Variants in RFX1 observed in about 807,000 individuals in gnomAD.
RFX1 encodes regulatory factor X1.
RFX1 carries 42 observed loss-of-function variants against 119.6 expected under a neutral mutation model. The observed-to-expected ratio is 0.35, with a 90% CI of 0.27 to 0.45. The LOEUF (loss-of-function observed/expected upper bound fraction) is 0.45, where lower values mean the gene tolerates loss of function less well. Ranked by LOEUF, RFX1 falls within the 20% of genes least tolerant of loss-of-function variation. The pLI is 1.00. For missense variants in RFX1, 1,118 were observed against 1,368.1 expected (o/e 0.82, Z 2.88); for synonymous variants, 628 against 618.5 (o/e 1.02, Z -0.23).
At position 13,973,879 on chromosome 19, in the gene RFX1, G is replaced by A. The variant is rs190984127; in HGVS notation, c.930-752C>T. The stretch of plus-strand genomic sequence containing the variant: ...ACTTCTGACCTCAAGTGATCCACCC[G>A]CCTCAGTCTCCCACAGTCCTGGGAT... On this transcript the variant is annotated intron_variant, in intron 8 of 20. Transcript: ENST00000254325. Among the ~76,000 whole-genome samples, 100 of 151,142 alleles carry A rather than the reference G, an allele frequency of 6.6e-4. 1 individual carries two copies. Among genetic ancestry groups the A allele is most frequent in the African/African-American group, 2.3e-3 (96 of 41,044 alleles).
intron 19 of RFX1, 34 bp downstream of exon 19, chr19:13,963,088 C>T (rs1973764212): frequency 6.2e-7 from 1 of 1,606,032 alleles, no homozygotes; most frequent in Admixed American, 1.7e-5. Flanking sequence ...CGCCTGGCGC[C>T]CCGCCCGCGC....
intron 2 of RFX1, among the ~76,000 whole-genome samples, chr19:13,988,692 C>T (rs1194253158): frequency 1.3e-5 from 2 of 151,956 alleles, no homozygotes; most frequent in Non-Finnish European, 2.9e-5. Flanking sequence ...GGCACCCCCA[C>T]CATCCCATTA....
At chr19:13,983,094 T>G in intron 4 of RFX1, 93 bp downstream of exon 4, 1 of 985,194 alleles carries the variant, frequency 1.0e-6, no homozygotes, top group Non-Finnish European at 1.5e-6. Context: ...CTTCCCTCCA[T>G]CCTGGTGAGG....
chr19:13,963,460 G>T, intron 18 of RFX1, 78 bp downstream of exon 18: 1 of 1,476,622 alleles, frequency 6.8e-7, no homozygotes. Flanking sequence ...TCGGGTCGTC[G>T]TAGAAGAGCA....
chr19:13,963,008 A>G lies in RFX1; in HGVS notation c.2756T>C (p.Leu919Pro), dbSNP rs778006176. 3.9e-6 allele frequency: 6 copies of G among 1,552,402 alleles called. No homozygotes were observed. The East Asian group carries it at 9.8e-5, about 25-fold the overall frequency. The change falls in exon 20 of 21, where the codon CTG (leucine) becomes CCG (proline). Residue 919 changes from leucine (L) to proline (P), a missense_variant. Physicochemically the swap from Leu to Pro is moderately conservative, Grantham distance 98 (BLOSUM62 -3). This residue lies in a region of RFX1 where 138 missense variants were observed against 117.8 expected (regional missense o/e 1.17). Transcript: ENST00000254325. ...FANLATSLNP[L>P]DPDKDEEEEE... ...GCCTCGCCTACCTTTGTCGGGGTCC[A>G]GGGGGTTCAGGGAGGTGGCCAGATT...
At chr19:13,998,156 C>G (rs747458561) in intron 1 of RFX1, 1 of 152,176 alleles carries the variant, frequency 6.6e-6, no homozygotes, top group Admixed American at 6.6e-5. Context: ...CTGGGGATAA[C>G]GAGAACACCC....
chr19:13,981,881 T>C (rs1467067509), intron 5 of RFX1, among the ~76,000 whole-genome samples: 1 of 152,144 alleles, frequency 6.6e-6, no homozygotes, highest in African/African-American at 2.4e-5. Context: ...CACCTCCTTC[T>C]CCCAGAGCAG....
chr19:14,003,997 C>T (rs551170720), intron 1 of RFX1, among the ~76,000 whole-genome samples: 5 of 152,254 alleles, frequency 3.3e-5, no homozygotes, highest in African/African-American at 1.2e-4. Context: ...CAACCTCCGC[C>T]TCCCAGGCTC....
chr19:13,972,231 G>C (rs1330189944), intron 9 of RFX1, among the ~76,000 whole-genome samples: 1 of 140,790 alleles, frequency 7.1e-6, no homozygotes, highest in Non-Finnish European at 1.5e-5. Flanking sequence ...GAATCTTGCT[G>C]TGTCTCCCAG....
chr19:13,983,441 C>A (rs779431943), intron 3 of RFX1, 45 bp downstream of exon 3: 1 of 1,469,574 alleles, frequency 6.8e-7, no homozygotes, highest in Admixed American at 1.9e-5. Context: ...CTGCACTGCC[C>A]CCCTCCCGGG....
In RFX1 at chr19:13,980,291, A is replaced by C. The variant is rs1167151935; in HGVS notation, c.738+282T>G. 6.6e-6 allele frequency among the ~76,000 whole-genome samples: 1 copy of C among 152,158 alleles called. No individual in the cohort carries two copies. The highest frequency in any genetic ancestry group is 1.5e-5 in the Non-Finnish European group (1 of 68,010). On this transcript the variant is annotated intron_variant, in intron 6 of 20. Coordinates refer to ENST00000254325, the MANE Select transcript of RFX1 (RefSeq NM_002918.5). This position sits in a 1 kb window ranked among gnomAD's most constrained non-coding sequence, Gnocchi z 5.1. Reference sequence around the variant, plus strand: ...GCTTCCTTCAGGCAAATGGGCCCAAAGAGGCTCAGGTGGCTTCTCCAAGCG... The same window carrying C: ...GCTTCCTTCAGGCAAATGGGCCCAACGAGGCTCAGGTGGCTTCTCCAAGCG...
At chr19:13,983,660 C>A (rs1974509685) in intron 2 of RFX1, 65 bp from the exon 3 acceptor site, 2 of 1,370,836 alleles carry the variant, frequency 1.5e-6, no homozygotes, top group East Asian at 5.0e-5. Context: ...AGCCTGAGCC[C>A]CCCTGGAGGG....
At chr19:14,004,191 C>T (rs1196162735) in intron 1 of RFX1, among the ~76,000 whole-genome samples, 1 of 152,056 alleles carries the variant, frequency 6.6e-6, no homozygotes, top group African/African-American at 2.4e-5. Flanking sequence ...TGAGCCACCA[C>T]GCCCAGCCTG....
chr19:13,983,777 C>T (rs1199945610), intron 2 of RFX1, among the ~76,000 whole-genome samples, 182 bp from the exon 3 acceptor site: 2 of 152,224 alleles, frequency 1.3e-5, no homozygotes, highest in South Asian at 2.1e-4. Context: ...CGTGGCAGAG[C>T]GGGCTGAGGC....
intron 1 of RFX1, among the ~76,000 whole-genome samples, chr19:14,000,276 A>G (rs371900389): frequency 3.3e-5 from 5 of 152,224 alleles, no homozygotes; most frequent in South Asian, 4.1e-4. Context: ...ATTTGAGGTC[A>G]GGAGTTTGAA....
intron 1 of RFX1, among the ~76,000 whole-genome samples, chr19:14,004,277 A>C (rs1378710560): frequency 6.6e-6 from 1 of 152,056 alleles, no homozygotes; most frequent in Non-Finnish European, 1.5e-5. Flanking sequence ...TGGGAGGCCG[A>C]GGCAGGTAAA....
At chr19:13,978,843 G>T (rs1452612232) in intron 7 of RFX1, among the ~76,000 whole-genome samples, 1 of 152,162 alleles carries the variant, frequency 6.6e-6, no homozygotes, top group African/African-American at 2.4e-5. Flanking sequence ...CCGGGAGCCG[G>T]GACAGTGGCT....
chr19:13,994,910 AT>A (rs1974950663), intron 1 of RFX1, among the ~76,000 whole-genome samples: 1 of 85,888 alleles, frequency 1.2e-5, no homozygotes, highest in East Asian at 3.2e-4. Context: ...ATATATATAT[AT>A]ATATATATAT....
rs1974406762 is a variant in RFX1 at position 13,980,826 on chromosome 19, G to T, written c.622-137C>A. The T allele has an allele frequency of 6.9e-6, 4 of 583,554 alleles. No individual in the cohort carries two copies. In the South Asian group the frequency reaches 8.3e-5, roughly 12 times the overall value. The allele number at this position is 583,554 out of a possible 1,614,324, so 36.1% of individuals were successfully genotyped here. ...GTGGGGACCTATCCCAACCACCGAG[G>T]CTGGTAACTGACCGCGTCCCACGCA... On this transcript the variant is annotated intron_variant, in intron 5 of 20. Transcript: ENST00000254325. This position sits in a 1 kb window ranked among gnomAD's most constrained non-coding sequence, Gnocchi z 5.1.
Sources: allele counts gnomAD v4.1 joint callset (sites outside exome capture counted in the v4.1 genomes callset), GRCh38; gene constraint gnomAD v4.1.1; regional missense constraint gnomAD v4.1.1; non-coding constraint Gnocchi (gnomAD v3.1); transcripts MANE v1.5; gene names NCBI Gene and HGNC (gene_info 2026-07-23, HGNC 2026-07-21).